Variants in ODF2L observed in about 807,000 individuals in gnomAD.
The protein encoded by ODF2L is outer dense fiber of sperm tails 2 like.
Under a neutral mutation model 86.3 loss-of-function variants are expected in ODF2L, and 76 were observed. The ratio of observed to expected loss-of-function variants is 0.88; its 90% CI spans 0.73 to 1.07. The LOEUF (loss-of-function observed/expected upper bound fraction) is 1.07. Ranked by LOEUF, ODF2L falls within the 50% of genes least tolerant of loss-of-function variation. The probability of loss-of-function intolerance (pLI) is 0.00; values close to 1 mark genes in which losing one functional copy is unlikely to be tolerated. For missense variants in ODF2L, 748 were observed against 717.4 expected (o/e 1.04, Z -0.49); for synonymous variants, 241 against 231.3 (o/e 1.04, Z -0.38).
At chr1:86,372,457 C>T in exon 9 of ODF2L, 2 of 1,486,458 alleles carry the variant, frequency 1.3e-6, no homozygotes, top group Admixed American at 2.3e-5. Flanking sequence ...TCTGTACTTC[C>T]AATTCGGTTT....
At chr1:86,365,678 G>A (rs1241628231) in intron 11 of ODF2L, among the ~76,000 whole-genome samples, 2 of 152,102 alleles carry the variant, frequency 1.3e-5, no homozygotes, top group Non-Finnish European at 2.9e-5. Flanking sequence ...AACAGACCAG[G>A]GGCTATCAAA....
At chr1:86,362,647 G>A (rs775049529) in intron 11 of ODF2L, among the ~76,000 whole-genome samples, 36 of 151,840 alleles carry the variant, frequency 2.4e-4, no homozygotes, top group Non-Finnish European at 4.3e-4. Context: ...ATCACTATGA[G>A]GGCTCTTTGG....
chr1:86,367,994 AATTGTCT>A (rs1659560756), intron 11 of ODF2L, among the ~76,000 whole-genome samples: 2 of 152,204 alleles, frequency 1.3e-5, no homozygotes, highest in Non-Finnish European at 2.9e-5. Flanking sequence ...CTAGCTCATT[AATTGTCT>A]GAACCATGTA....
At chr1:86,377,356 T>G (rs187971) in intron 7 of ODF2L, among the ~76,000 whole-genome samples, 49,414 of 152,058 alleles carry the variant, frequency 0.32, 8,227 homozygotes, top group African/African-American at 0.4. Context: ...ACTGAGTATC[T>G]GTGGCTCTTC....
At chr1:86,387,659 AATCT>A (rs1661045716) in intron 1 of ODF2L, among the ~76,000 whole-genome samples, 1 of 152,154 alleles carries the variant, frequency 6.6e-6, no homozygotes, top group South Asian at 2.1e-4. Flanking sequence ...AAATTTTACC[AATCT>A]AATTGTTTTT....
intron 12 of ODF2L, 146 bp downstream of exon 11, chr1:86,360,276 GGGAC>G: frequency 1.9e-6 from 1 of 518,776 alleles, no homozygotes; most frequent in Non-Finnish European, 3.4e-6. Context: ...AAAGATGTGT[GGGAC>G]CTTAAGAAAT....
At chr1:86,348,956 CAT>C (rs1570331347), downstream of ODF2L, 26 of 1,375,680 alleles carry the variant, frequency 1.9e-5, no homozygotes, top group East Asian at 7.4e-4. Context: ...ATATTAAAAA[CAT>C]ATATACAATA....
At chr1:86,380,433 C>T (rs1558048919) in intron 7 of ODF2L, among the ~76,000 whole-genome samples, 1 of 152,098 alleles carries the variant, frequency 6.6e-6, no homozygotes, top group Non-Finnish European at 1.5e-5. Context: ...CCACAGGAAA[C>T]ACTGTTGTCA....
At chr1:86,393,148 A>T (rs774849957) in intron 1 of ODF2L, among the ~76,000 whole-genome samples, 3 of 152,228 alleles carry the variant, frequency 2.0e-5, no homozygotes, top group Non-Finnish European at 4.4e-5. Flanking sequence ...ACTTCAGATG[A>T]ATATGTATTT....
At chr1:86,384,541 G>T in intron 4 of ODF2L, 135 bp downstream of exon 4, 1 of 439,590 alleles carries the variant, frequency 2.3e-6, no homozygotes, top group East Asian at 3.9e-5. Context: ...ACTAAAGGTG[G>T]GGATTAATGA....
intron 12 of ODF2L, among the ~76,000 whole-genome samples, chr1:86,359,519 C>CTTTTTTTT: frequency 1.1e-5 from 1 of 95,114 alleles, no homozygotes; most frequent in Non-Finnish European, 2.1e-5. Flanking sequence ...TTAGTTCATT[C>CTTTTTTTT]TTTTTTTTTT....
exon 16 of ODF2L, chr1:86,354,574 A>T: frequency 6.2e-7 from 1 of 1,609,208 alleles, no homozygotes. Flanking sequence ...TGTCTGGCCA[A>T]TGCTGTATAC....
exon 18 of ODF2L, chr1:86,352,035 G>A (rs1439878817): frequency 6.1e-6 from 8 of 1,308,866 alleles, no homozygotes; most frequent in Non-Finnish European, 7.8e-6. Context: ...TGGAAGGCCT[G>A]TGCTAAATTA....
At chr1:86,367,561 A>C (rs1659526067) in intron 11 of ODF2L, among the ~76,000 whole-genome samples, 3 of 151,430 alleles carry the variant, frequency 2.0e-5, no homozygotes, top group South Asian at 4.1e-4. Flanking sequence ...AAGGGAAAAA[A>C]AAAAACAAAA....
chr1:86,380,283 T>G (rs964995720), intron 7 of ODF2L, among the ~76,000 whole-genome samples: 1 of 152,158 alleles, frequency 6.6e-6, no homozygotes, highest in African/African-American at 2.4e-5. Flanking sequence ...TTAGATTTGA[T>G]TTTTTTGAAG....
intron 8 of ODF2L, among the ~76,000 whole-genome samples, chr1:86,373,312 T>C (rs1659939602): frequency 6.7e-6 from 1 of 150,082 alleles, no homozygotes; most frequent in African/African-American, 2.4e-5. Flanking sequence ...TTTTTTTTTT[T>C]GCCCTGGCTG....
exon 4 of ODF2L, chr1:86,384,800 G>A (rs369663633): frequency 1.9e-5 from 29 of 1,488,296 alleles, no homozygotes; most frequent in East Asian, 2.6e-5. Context: ...AGAAAGATTC[G>A]CCTGACAAAT....
At position 86,395,607 on chromosome 1, in the gene ODF2L, C is replaced by T. The variant is rs543964821; in HGVS notation, c.-60+426G>A. Among the ~76,000 whole-genome samples, 3 of 152,254 alleles carry T rather than the reference C, an allele frequency of 2.0e-5. No individual in the cohort carries two copies. The East Asian group carries it at 5.8e-4, about 29-fold the overall frequency. ...GAGAAGGAATTATTTCCTGAGGATTCCTGTAATATACCTCACTTACGAAGC... is the reference window on the plus strand; with the variant it reads ...GAGAAGGAATTATTTCCTGAGGATTTCTGTAATATACCTCACTTACGAAGC... On this transcript the variant is annotated intron_variant, in intron 1 of 17. Coordinates refer to ENST00000317336, the Ensembl canonical transcript of ODF2L.
chr1:86,387,409 A>G (rs1661030344), intron 1 of ODF2L, among the ~76,000 whole-genome samples: 1 of 152,230 alleles, frequency 6.6e-6, no homozygotes, highest in Non-Finnish European at 1.5e-5. Flanking sequence ...AAACAAATAT[A>G]AAAACCATGG....
Sources: gnomAD v4.1 joint callset for allele counts (sites outside exome capture counted in the v4.1 genomes callset) on GRCh38, gnomAD v4.1.1 for gene constraint, MANE v1.5 for transcripts, NCBI Gene and HGNC (gene_info 2026-07-23, HGNC 2026-07-21) for gene names.